UTRN: variants seen among roughly 807,000 people sequenced by gnomAD.
UTRN encodes the protein dystrophin-related protein 1.
UTRN carries 283 observed loss-of-function variants against 463.9 expected under a neutral mutation model. That is an observed-to-expected ratio of 0.61 (90% confidence interval 0.55 to 0.67). The LOEUF is 0.67. Among genes scored for constraint, UTRN ranks in the 30% least tolerant of loss-of-function variants. The pLI is 0.00. For synonymous variants in UTRN, 1,442 were observed against 1,431.5 expected, an observed-to-expected ratio of 1.01 and a Z score of -0.17; for missense variants, 3,922 against 4,084.3, an observed-to-expected ratio of 0.96 and a Z score of 1.08.
intron 51 of UTRN, among the ~76,000 whole-genome samples, chr6:144,613,073 A>G (rs765312815): frequency 6.6e-6 from 1 of 152,104 alleles, no homozygotes; most frequent in Non-Finnish European, 1.5e-5. Flanking sequence ...ATGAGCCTGG[A>G]AGTCATTATG....
intron 66 of UTRN, 109 bp downstream of exon 66, chr6:144,821,127 G>A: frequency 2.3e-6 from 3 of 1,318,414 alleles, no homozygotes; most frequent in Non-Finnish European, 3.0e-6. Context: ...CATTTTAGAG[G>A]AGGTAAATTA....
At chr6:144,472,658 A>G (rs1790779869) in intron 23 of UTRN, among the ~76,000 whole-genome samples, 1 of 152,208 alleles carries the variant, frequency 6.6e-6, no homozygotes, top group Non-Finnish European at 1.5e-5. Context: ...AATTGGGAAC[A>G]TGTAATCAGT....
chr6:144,291,998 C>G (rs1804289488), intron 2 of UTRN, 91 bp downstream of exon 2: 1 of 1,277,926 alleles, frequency 7.8e-7, no homozygotes, highest in African/African-American at 1.5e-5. Flanking sequence ...CTTGCAAGAA[C>G]TTCTTGGAGG....
chr6:144,365,981 AC>A (rs1779470175), intron 2 of UTRN, among the ~76,000 whole-genome samples: 1 of 152,088 alleles, frequency 6.6e-6, no homozygotes, highest in South Asian at 2.1e-4. Context: ...CAGGTGTTCC[AC>A]CCGTCTCGGC....
At chr6:144,712,410 G>A (rs555047360) in intron 53 of UTRN, among the ~76,000 whole-genome samples, 5 of 152,158 alleles carry the variant, frequency 3.3e-5, no homozygotes, top group Non-Finnish European at 7.3e-5. Context: ...GTCACTCTCT[G>A]GTGGTAAAAT....
chr6:144,781,087 T>C (rs1173071668), intron 60 of UTRN, among the ~76,000 whole-genome samples: 1 of 152,228 alleles, frequency 6.6e-6, no homozygotes, highest in East Asian at 1.9e-4. Context: ...GGGCTCTGCC[T>C]TCACCTCCTG....
chr6:144,316,799 G>A (rs1026244357), intron 2 of UTRN, among the ~76,000 whole-genome samples: 27 of 152,178 alleles, frequency 1.8e-4, no homozygotes, highest in African/African-American at 4.1e-4. Flanking sequence ...TTTCATAGAT[G>A]AGGATATGCT....
At chr6:144,336,735 A>G (rs1157168788) in intron 2 of UTRN, among the ~76,000 whole-genome samples, 4 of 151,994 alleles carry the variant, frequency 2.6e-5, no homozygotes, top group Admixed American at 2.6e-4. Context: ...TTTTAAAGTA[A>G]TATTTTAAAA....
chr6:144,839,617 T>C lies in UTRN; in HGVS notation c.10177+333T>C, dbSNP rs1350906139. Among the ~76,000 whole-genome samples, 3 of 152,224 alleles carry C rather than the reference T, an allele frequency of 2.0e-5. 1 individual carries two copies. Among genetic ancestry groups the C allele is most frequent in the Admixed American group, 2.0e-4 (3 of 15,282 alleles). On this transcript the variant is annotated intron_variant, in intron 72 of 74. Transcript: ENST00000367545. ...CACTTTCTGTCTCTAAAATGTTACA[T>C]TGGTGCATATTCAGGACTAATAATA... is the stretch of plus-strand genomic sequence containing the variant.
chr6:144,593,742 T>C (rs1031261705), intron 51 of UTRN, among the ~76,000 whole-genome samples: 2 of 152,194 alleles, frequency 1.3e-5, no homozygotes, highest in African/African-American at 4.8e-5. Flanking sequence ...CCATCATAAA[T>C]GTCTACAAAG....
At chr6:144,627,911 T>A (rs1412109569) in intron 51 of UTRN, among the ~76,000 whole-genome samples, 1 of 150,306 alleles carries the variant, frequency 6.7e-6, no homozygotes, top group Non-Finnish European at 1.5e-5. Context: ...GCGATTCTCC[T>A]GCCTCAGCCT....
At chr6:144,519,582 G>A (rs1795905692) in intron 39 of UTRN, among the ~76,000 whole-genome samples, 2 of 152,110 alleles carry the variant, frequency 1.3e-5, no homozygotes, top group Admixed American at 6.6e-5. Context: ...GTCAGATCTC[G>A]AGGACATTTT....
Position 144,730,512 on chromosome 6 carries a change from A to G in UTRN, c.7939+26A>G, listed in dbSNP as rs184079048. On this transcript the variant is annotated intron_variant, in intron 54 of 74. Transcript: ENST00000367545. ...GTGAGACTGGTTTCTCCACTACATC[A>G]TAAAAACACATGCTAGGAGAACAAA... The G allele has an allele frequency of 1.8e-5, 29 of 1,576,792 alleles. No homozygotes were observed. The Admixed American group carries it at 2.9e-4, about 16-fold the overall frequency.
chr6:144,503,188 C>G (rs1416872580), intron 34 of UTRN, among the ~76,000 whole-genome samples: 1 of 152,036 alleles, frequency 6.6e-6, no homozygotes, highest in Non-Finnish European at 1.5e-5. Flanking sequence ...AAACTTTCTC[C>G]CAGTCTCTAG....
chr6:144,830,460 T>C (rs930900776), intron 69 of UTRN, among the ~76,000 whole-genome samples: 8 of 152,126 alleles, frequency 5.3e-5, no homozygotes, highest in African/African-American at 1.9e-4. Flanking sequence ...TAAAAATAAT[T>C]TATATACATG....
chr6:144,451,231 T>C (rs1788270426), intron 17 of UTRN, 139 bp from the exon 18 acceptor site: 1 of 785,050 alleles, frequency 1.3e-6, no homozygotes, highest in Non-Finnish European at 1.9e-6. Flanking sequence ...TTTGCATGGT[T>C]ACCCTATTTC....
At chr6:144,383,628 A>G (rs1044564348) in intron 2 of UTRN, among the ~76,000 whole-genome samples, 1 of 152,216 alleles carries the variant, frequency 6.6e-6, no homozygotes, top group Non-Finnish European at 1.5e-5. Flanking sequence ...GAATTGAGCC[A>G]AATGGTTATC....
intron 52 of UTRN, 94 bp from the exon 53 acceptor site, chr6:144,699,993 A>T: frequency 7.8e-7 from 1 of 1,286,994 alleles, no homozygotes. Flanking sequence ...ACTTGGTCAG[A>T]TAAGATTATT....
chr6:144,470,208 C>T (rs903593933), intron 23 of UTRN, among the ~76,000 whole-genome samples: 1 of 152,256 alleles, frequency 6.6e-6, no homozygotes, highest in Non-Finnish European at 1.5e-5. Flanking sequence ...TCTCAATGAG[C>T]TGTTGGGTAC....
Sources: allele counts gnomAD v4.1 joint callset (sites outside exome capture counted in the v4.1 genomes callset), GRCh38; gene constraint gnomAD v4.1.1; transcripts MANE v1.5; gene names NCBI Gene and HGNC (gene_info 2026-07-23, HGNC 2026-07-21).